The following DENND5B variants were observed in gnomAD, a reference collection of about 807,000 sequenced individuals.
DENND5B encodes the protein DENN domain-containing protein 5B.
Under a neutral mutation model 140.6 loss-of-function variants are expected in DENND5B, and 34 were observed. The observed-to-expected ratio is 0.24, with a 90% CI of 0.18 to 0.32. The LOEUF (loss-of-function observed/expected upper bound fraction) is 0.32, where lower values mean the gene tolerates loss of function less well. Among genes scored for constraint, DENND5B ranks in the 10% least tolerant of loss-of-function variants. DENND5B has a pLI of 1.00. For synonymous variants in DENND5B, 551 were observed against 562.1 expected (o/e 0.98, Z 0.28); for missense variants, 1,142 against 1,560.2 (o/e 0.73, Z 4.52).
chr12:31,403,897 CAAAAAAAAAAAA>C (rs751708684), intron 14 of DENND5B, among the ~76,000 whole-genome samples: 1 of 36,372 alleles, frequency 2.7e-5, no homozygotes, highest in African/African-American at 1.4e-4. Context: ...ACTCCATCTC[CAAAAAAAAAAAA>C]AAAAAAAAAA....
chr12:31,499,147 A>G (rs10743758), intron 1 of DENND5B, among the ~76,000 whole-genome samples: 83,798 of 150,384 alleles, frequency 0.56, 23,670 homozygotes, highest in East Asian at 0.82. Context: ...TACTGCTGGG[A>G]AAAAAAAACA....
chr12:31,392,087 C>T (rs943643929), intron 19 of DENND5B, among the ~76,000 whole-genome samples, 180 bp downstream of exon 19: 1 of 149,126 alleles, frequency 6.7e-6, no homozygotes, highest in African/African-American at 2.5e-5. Context: ...TACAGTGAGC[C>T]AAGACCGCAC....
intron 6 of DENND5B, among the ~76,000 whole-genome samples, chr12:31,444,926 G>T (rs189250906): frequency 6.6e-5 from 10 of 152,302 alleles, no homozygotes; most frequent in Admixed American, 5.9e-4. Context: ...TTACATAAAA[G>T]ACATCATTTA....
intron 1 of DENND5B, among the ~76,000 whole-genome samples, chr12:31,523,578 T>A (rs752123238): frequency 2.2e-4 from 33 of 151,974 alleles, no homozygotes; most frequent in Non-Finnish European, 4.1e-4. Context: ...TAATCTGTTT[T>A]GACATTATCC....
intron 11 of DENND5B, among the ~76,000 whole-genome samples, chr12:31,418,944 T>G (rs1378333243): frequency 1.3e-5 from 2 of 152,188 alleles, no homozygotes; most frequent in Non-Finnish European, 2.9e-5. Flanking sequence ...TGGCAATTCC[T>G]GTTGTTTAAA....
intron 7 of DENND5B, among the ~76,000 whole-genome samples, chr12:31,437,370 G>A (rs566626502): frequency 2.0e-5 from 3 of 152,136 alleles, no homozygotes; most frequent in Middle Eastern, 3.4e-3. Context: ...TCCTGACCTC[G>A]TGATCCTCTG....
chr12:31,460,127 T>C, intron 4 of DENND5B, 67 bp downstream of exon 4: 1 of 1,454,570 alleles, frequency 6.9e-7, no homozygotes, highest in East Asian at 2.4e-5. Flanking sequence ...GACAATGCAA[T>C]CTAACGAAAG....
intron 1 of DENND5B, among the ~76,000 whole-genome samples, chr12:31,521,565 TA>T (rs937408136): frequency 3.9e-5 from 6 of 152,232 alleles, no homozygotes; most frequent in African/African-American, 1.2e-4. Context: ...TCATTTTTGT[TA>T]GTCTGTCCTA....
intron 1 of DENND5B, among the ~76,000 whole-genome samples, chr12:31,523,521 A>G (rs1947978917): frequency 6.6e-6 from 1 of 152,140 alleles, no homozygotes; most frequent in Non-Finnish European, 1.5e-5. Flanking sequence ...AAAACAAAAC[A>G]AAAAACACTT....
At chr12:31,545,950 C>CAAAAAAAAAAA (rs57460264) in intron 1 of DENND5B, among the ~76,000 whole-genome samples, 723 of 36,356 alleles carry the variant, frequency 0.02, 127 homozygotes, top group African/African-American at 0.073. Context: ...GACACTGTCT[C>CAAAAAAAAAAA]AAAAAAAAAA....
chr12:31,492,037 G>C (rs1946544304), intron 2 of DENND5B, among the ~76,000 whole-genome samples: 1 of 152,202 alleles, frequency 6.6e-6, no homozygotes, highest in Non-Finnish European at 1.5e-5. Context: ...ATTAAAGGCA[G>C]TAAATCTGTG....
chr12:31,429,250 G>T (rs957882014), intron 8 of DENND5B, among the ~76,000 whole-genome samples: 1 of 149,472 alleles, frequency 6.7e-6, no homozygotes, highest in Non-Finnish European at 1.5e-5. Context: ...CTCGTGATCT[G>T]CCCGCCTTGG....
chr12:31,517,538 C>A (rs1424911810), intron 1 of DENND5B, among the ~76,000 whole-genome samples: 3 of 152,338 alleles, frequency 2.0e-5, no homozygotes, highest in African/African-American at 7.2e-5. Flanking sequence ...AACAATCTCT[C>A]CATAACTACA....
intron 1 of DENND5B, among the ~76,000 whole-genome samples, chr12:31,556,918 G>T (rs1430417368): frequency 6.6e-6 from 1 of 152,124 alleles, no homozygotes; most frequent in African/African-American, 2.4e-5. Context: ...TTAAAAATGT[G>T]TGCAAAGATT....
intron 1 of DENND5B, among the ~76,000 whole-genome samples, chr12:31,553,718 A>C (rs1208704230): frequency 2.0e-5 from 3 of 152,150 alleles, no homozygotes; most frequent in Non-Finnish European, 2.9e-5. Flanking sequence ...GTAGGTCACT[A>C]AGGACTTGCT....
chr12:31,567,660 T>C lies in DENND5B; in HGVS notation c.127+23046A>G, dbSNP rs141141127. Among the ~76,000 whole-genome samples the C allele has an allele frequency of 1.7e-3, 265 of 152,016 alleles. 3 individuals carry two copies. The highest frequency in any genetic ancestry group is 6.0e-3 in the Admixed American group (91 of 15,260). On this transcript the variant is annotated intron_variant, in intron 1 of 20. Transcript: ENST00000389082. ...AGTTTTGAGCAAGCCACTCCTTTGT[T>C]CAAAACCTTTTAGGGTGGTGCATAC...
At chr12:31,549,088 C>T (rs1050928810) in intron 1 of DENND5B, among the ~76,000 whole-genome samples, 1 of 152,108 alleles carries the variant, frequency 6.6e-6, no homozygotes, top group African/African-American at 2.4e-5. Context: ...TTTAGAGACA[C>T]GAAGTCTCGC....
At chr12:31,586,460 G>C (rs1257694491) in intron 1 of DENND5B, among the ~76,000 whole-genome samples, 1 of 152,106 alleles carries the variant, frequency 6.6e-6, no homozygotes, top group African/African-American at 2.4e-5. Context: ...TATACATGTG[G>C]ACATCACCAT....
At chr12:31,431,130 T>C (rs1398793466) in intron 8 of DENND5B, among the ~76,000 whole-genome samples, 1 of 152,218 alleles carries the variant, frequency 6.6e-6, no homozygotes, top group Non-Finnish European at 1.5e-5. Flanking sequence ...ACTGTGCTCT[T>C]CTTTATTTCT....
Sources: allele counts gnomAD v4.1 joint callset (sites outside exome capture counted in the v4.1 genomes callset), GRCh38; gene constraint gnomAD v4.1.1; transcripts MANE v1.5; gene names NCBI Gene and HGNC (gene_info 2026-07-23, HGNC 2026-07-21).